The following PIBF1 variants were observed in gnomAD, a reference collection of about 807,000 sequenced individuals.
PIBF1 encodes progesterone immunomodulatory binding factor 1, also known as progesterone-induced-blocking factor 1.
In PIBF1, 90 loss-of-function variants were observed where a neutral mutation model predicts 112.5. The observed-to-expected ratio is 0.80, with a 90% confidence interval of 0.67 to 0.95. PIBF1 has a LOEUF of 0.95. Among genes scored for constraint, PIBF1 ranks in the 40% least tolerant of loss-of-function variants. PIBF1 has a pLI of 0.00. For missense variants in PIBF1, 915 were observed against 852.3 expected, an observed-to-expected ratio of 1.07 and a Z score of -0.92; for synonymous variants, 301 against 288.6, an observed-to-expected ratio of 1.04 and a Z score of -0.44.
intron 14 of PIBF1, among the ~76,000 whole-genome samples, chr13:72,960,626 GCCA>G (rs1391716046): frequency 6.6e-6 from 1 of 152,086 alleles, no homozygotes; most frequent in Non-Finnish European, 1.5e-5. Context: ...GTTATTCCCT[GCCA>G]CCCTTTCCCC....
intron 10 of PIBF1, among the ~76,000 whole-genome samples, chr13:72,891,236 G>A (rs917459239): frequency 2.6e-5 from 4 of 152,056 alleles, no homozygotes; most frequent in African/African-American, 9.7e-5. Context: ...AGTGATATCC[G>A]AAGCAACATC....
At chr13:72,987,235 CAT>C (rs1191074197) in intron 16 of PIBF1, among the ~76,000 whole-genome samples, 3 of 151,520 alleles carry the variant, frequency 2.0e-5, no homozygotes, top group African/African-American at 4.8e-5. Flanking sequence ...ATTTGTTACA[CAT>C]GTCTCCAAAG....
At chr13:72,792,596 A>T in intron 3 of PIBF1, 49 bp downstream of exon 3, 1 of 974,152 alleles carries the variant, frequency 1.0e-6, no homozygotes, top group Non-Finnish European at 1.5e-6. Flanking sequence ...TTAGCAATTA[A>T]AAGTAATTTT....
intron 15 of PIBF1, among the ~76,000 whole-genome samples, chr13:72,971,185 A>AGTGTGT (rs771878197): frequency 0.031 from 3,727 of 120,018 alleles, 122 homozygotes; most frequent in South Asian, 0.074. Flanking sequence ...ACAGAGAGTG[A>AGTGTGT]GTGTGTGTGT....
chr13:72,895,202 C>T (rs2138580376), intron 11 of PIBF1, among the ~76,000 whole-genome samples: 1 of 151,384 alleles, frequency 6.6e-6, no homozygotes, highest in East Asian at 1.9e-4. Flanking sequence ...TGATGAAAGC[C>T]AGGAAAGAAA....
chr13:72,782,633 TATATC>T (rs1189540140), intron 1 of PIBF1, among the ~76,000 whole-genome samples: 9 of 152,232 alleles, frequency 5.9e-5, no homozygotes, highest in Admixed American at 3.9e-4. Flanking sequence ...CATAATTTGT[TATATC>T]ATGAGGTATT....
At chr13:72,868,744 G>A (rs941679125) in intron 10 of PIBF1, among the ~76,000 whole-genome samples, 4 of 151,440 alleles carry the variant, frequency 2.6e-5, no homozygotes, top group Admixed American at 2.6e-4. Context: ...TACACTTTGG[G>A]AGGCCATGGT....
intron 15 of PIBF1, among the ~76,000 whole-genome samples, chr13:72,966,950 T>G (rs796720035): frequency 7.2e-5 from 11 of 152,018 alleles, no homozygotes; most frequent in African/African-American, 2.7e-4. Flanking sequence ...TCTTTTTTTT[T>G]TTTTTGAAAC....
rs71099767 is a variant in PIBF1, at chr13:72,904,433, C to CTTTTTTTTTTTTTTTT, written c.1489-4088_1489-4073dup. On this transcript the variant is annotated intron_variant, in intron 11 of 17. Coordinates refer to ENST00000326291, the MANE Select transcript of PIBF1 (RefSeq NM_006346.4). ...ATTTATCCAAAATATCAAAATATTT[C>CTTTTTTTTTTTTTTTT]TTTTTTTTTTTTTTTTTTTTTTTTT... Among the ~76,000 whole-genome samples the CTTTTTTTTTTTTTTTT allele has an allele frequency of 8.2e-3, 301 of 36,530 alleles. 78 individuals carry two copies. Among genetic ancestry groups the CTTTTTTTTTTTTTTTT allele is most frequent in the South Asian group, 0.019 (11 of 566 alleles). The allele number at this position is 36,530 out of a possible 152,430, so 24.0% of individuals were successfully genotyped here.
chr13:72,804,229 A>G (rs1016253274), intron 5 of PIBF1, among the ~76,000 whole-genome samples: 1 of 152,176 alleles, frequency 6.6e-6, no homozygotes, highest in East Asian at 1.9e-4. Flanking sequence ...TTCCTCACCC[A>G]TTGCAAGGTT....
At chr13:72,998,272 T>C (rs1566533983) in intron 16 of PIBF1, among the ~76,000 whole-genome samples, 1 of 152,126 alleles carries the variant, frequency 6.6e-6, no homozygotes, top group African/African-American at 2.4e-5. Flanking sequence ...GTTCCCAAAT[T>C]TGTCTGTCTA....
intron 14 of PIBF1, among the ~76,000 whole-genome samples, chr13:72,945,747 A>C (rs1366204597): frequency 6.6e-6 from 1 of 152,224 alleles, no homozygotes; most frequent in Non-Finnish European, 1.5e-5. Context: ...GTTGAATCAA[A>C]AAGCCAAAGC....
intron 5 of PIBF1, among the ~76,000 whole-genome samples, chr13:72,799,423 C>G (rs984534135): frequency 6.6e-6 from 1 of 152,228 alleles, no homozygotes; most frequent in African/African-American, 2.4e-5. Flanking sequence ...TTAGCTTCCT[C>G]TCCTCTGAGG....
chr13:72,946,966 C>A lies in PIBF1; in HGVS notation c.1833+15699C>A, dbSNP rs555164716. Among the ~76,000 whole-genome samples the A allele has an allele frequency of 8.5e-5, 13 of 152,292 alleles. No individual in the cohort carries two copies. In the South Asian group the frequency reaches 1.2e-3, roughly 15 times the overall value. On this transcript the variant is annotated intron_variant, in intron 14 of 17. Coordinates refer to ENST00000326291, the MANE Select transcript of PIBF1 (RefSeq NM_006346.4). ...AGTTCTGGGGTCTGGAAGACGGTGGCCGTCTTCTCACGGCTCCACTAGGCA... is the reference window on the plus strand; with the variant it reads ...AGTTCTGGGGTCTGGAAGACGGTGGACGTCTTCTCACGGCTCCACTAGGCA...
chr13:72,958,383 C>T lies in PIBF1; in HGVS notation c.1834-6891C>T, dbSNP rs140507564. Among the ~76,000 whole-genome samples, 357 of 148,406 alleles carry T rather than the reference C, an allele frequency of 2.4e-3. 1 individual carries two copies. The highest frequency in any genetic ancestry group is 8.2e-3 in the African/African-American group (333 of 40,436). On this transcript the variant is annotated intron_variant, in intron 14 of 17. Coordinates refer to ENST00000326291, the MANE Select transcript of PIBF1 (RefSeq NM_006346.4). ...TAGTAATGTTCTATAGTTCTATCTACTTCAATGACTTCAGTCATCACTTCC... is the reference window on the plus strand; with the variant it reads ...TAGTAATGTTCTATAGTTCTATCTATTTCAATGACTTCAGTCATCACTTCC...
At chr13:72,895,333 T>C (rs1200190997) in intron 11 of PIBF1, among the ~76,000 whole-genome samples, 1 of 149,320 alleles carries the variant, frequency 6.7e-6, no homozygotes, top group Non-Finnish European at 1.5e-5. Flanking sequence ...TTTAAAATAA[T>C]ATATATAATA....
chr13:72,942,159 C>T (rs1045293944), intron 14 of PIBF1, among the ~76,000 whole-genome samples: 11 of 151,720 alleles, frequency 7.3e-5, no homozygotes, highest in Admixed American at 2.0e-4. Context: ...CAGGACCACA[C>T]CTCAACATTA....
At chr13:72,871,279 G>GTGTC (rs1020856734) in intron 10 of PIBF1, among the ~76,000 whole-genome samples, 2 of 151,960 alleles carry the variant, frequency 1.3e-5, no homozygotes, top group Admixed American at 1.3e-4. Flanking sequence ...TAGTCAAGTG[G>GTGTC]TGTCTGTCTG....
chr13:72,920,997 A>G lies in PIBF1; in HGVS notation c.1730+3831A>G, dbSNP rs1480059779. Among the ~76,000 whole-genome samples the G allele has an allele frequency of 5.3e-5, 8 of 152,358 alleles. No homozygotes were observed. The East Asian group carries it at 1.5e-3, about 29-fold the overall frequency. On this transcript the variant is annotated intron_variant, in intron 13 of 17. Transcript: ENST00000326291. ...TTCCATTCATATTAAATTTGATTTAAAATCTTATATGTTCAACAACCAGAA... is the reference window on the plus strand; with the variant it reads ...TTCCATTCATATTAAATTTGATTTAGAATCTTATATGTTCAACAACCAGAA...
Sources: gnomAD v4.1 joint callset for allele counts (sites outside exome capture counted in the v4.1 genomes callset) on GRCh38, gnomAD v4.1.1 for gene constraint, MANE v1.5 for transcripts, NCBI Gene and HGNC (gene_info 2026-07-23, HGNC 2026-07-21) for gene names.